Variants in RNF38 observed in about 807,000 individuals in gnomAD.
RNF38 encodes ring finger protein 38.
Under a neutral mutation model 67.2 loss-of-function variants are expected in RNF38, and 15 were observed. That is an observed-to-expected ratio of 0.22 (90% CI 0.15 to 0.34). RNF38 has a LOEUF of 0.34. Among genes scored for constraint, RNF38 ranks in the 10% least tolerant of loss-of-function variants. The pLI, the probability that RNF38 is intolerant of heterozygous loss-of-function variation, is 1.00. For synonymous variants in RNF38, 220 were observed against 218.8 expected (o/e 1.01, Z -0.05); for missense variants, 524 against 639.9 (o/e 0.82, Z 1.95).
chr9:36,471,296 T>C (rs1839992836), intron 1 of RNF38, among the ~76,000 whole-genome samples: 1 of 152,230 alleles, frequency 6.6e-6, no homozygotes, highest in Non-Finnish European at 1.5e-5. Flanking sequence ...ATAACTTTTC[T>C]TCCATAGAAA....
At chr9:36,352,402 A>G (rs918498661) in intron 8 of RNF38, among the ~76,000 whole-genome samples, 1 of 152,086 alleles carries the variant, frequency 6.6e-6, no homozygotes, top group Non-Finnish European at 1.5e-5. Flanking sequence ...AAATAAATAA[A>G]TTTTTCTCCT....
chr9:36,387,374 C>G (rs1287242952), intron 2 of RNF38, among the ~76,000 whole-genome samples: 1 of 152,082 alleles, frequency 6.6e-6, no homozygotes, highest in Non-Finnish European at 1.5e-5. Context: ...ACCACAAACA[C>G]CCCTAAAATT....
At chr9:36,446,810 G>GAAAAAAAAA (rs60691553) in intron 1 of RNF38, among the ~76,000 whole-genome samples, 1 of 28,214 alleles carries the variant, frequency 3.5e-5, no homozygotes, top group African/African-American at 1.3e-4. Flanking sequence ...TCCGCCTCAA[G>GAAAAAAAAA]AAAAAAAAAA....
Position 36,454,578 on chromosome 9 carries a change from T to G in RNF38, n.242-29895A>C, listed in dbSNP as rs533447930. Among the ~76,000 whole-genome samples the G allele has an allele frequency of 4.6e-5, 6 of 131,660 alleles. No individual in the cohort carries two copies. The East Asian group carries it at 1.3e-3, about 29-fold the overall frequency. 86.4% of individuals were successfully genotyped at this position (131,660 alleles called of 152,430 possible). ...TAAAAATATCAATTATACATTAATT[T>G]ACTTTTTTTTTTTTTTTTTTTTGAG... On this transcript the variant is annotated intron_variant and non_coding_transcript_variant, in intron 1 of 3. Transcript: ENST00000488058.
intron 1 of RNF38, among the ~76,000 whole-genome samples, chr9:36,465,342 C>CT (rs553695942): frequency 6.6e-6 from 1 of 151,998 alleles, no homozygotes; most frequent in African/African-American, 2.4e-5. Context: ...TAGCAGCATT[C>CT]TTTTTTTCTT....
Position 36,342,317 on chromosome 9 carries a change from C to CA in RNF38, c.1485+7dup, listed in dbSNP as rs1262094534. On this transcript the variant is annotated splice_region_variant and intron_variant, in intron 11 of 11. Coordinates refer to ENST00000259605, the MANE Select transcript of RNF38 (RefSeq NM_022781.5). ...ATGTCATTTCCTTTAAAGATGTCATCACTTTACCTTAAGCCATTTGTCAAC... is the reference window on the plus strand; with the variant it reads ...ATGTCATTTCCTTTAAAGATGTCATCAACTTTACCTTAAGCCATTTGTCAAC... 6.3e-7 allele frequency: 1 copy of CA among 1,577,096 alleles called. No homozygotes were observed. The highest frequency in any genetic ancestry group is 1.1e-5 in the South Asian group (1 of 90,332).
intron 1 of RNF38, among the ~76,000 whole-genome samples, chr9:36,441,726 A>AAC (rs1554696686): frequency 1.3e-5 from 2 of 151,684 alleles, no homozygotes; most frequent in Non-Finnish European, 2.9e-5. Flanking sequence ...CCTCAATTAA[A>AAC]AACAACAACT....
intron 1 of RNF38, among the ~76,000 whole-genome samples, chr9:36,432,203 C>T (rs558431747): frequency 3.3e-5 from 5 of 151,930 alleles, no homozygotes; most frequent in African/African-American, 9.6e-5. Context: ...GGCACGATCT[C>T]GTCTTACTGC....
intron 6 of RNF38, 38 bp downstream of exon 6, chr9:36,356,265 A>C (rs769363391): frequency 9.7e-5 from 156 of 1,601,410 alleles, no homozygotes; most frequent in Non-Finnish European, 1.2e-4. Context: ...AAATTAGTTA[A>C]AAACTAAACA....
At chr9:36,372,846 T>C (rs557807455) in intron 3 of RNF38, among the ~76,000 whole-genome samples, 1 of 152,270 alleles carries the variant, frequency 6.6e-6, no homozygotes, top group Admixed American at 6.5e-5. Context: ...TAGACTTACA[T>C]CCTAATGAAA....
At chr9:36,451,094 C>T (rs1450460007) in intron 1 of RNF38, among the ~76,000 whole-genome samples, 1 of 152,186 alleles carries the variant, frequency 6.6e-6, no homozygotes, top group Non-Finnish European at 1.5e-5. Flanking sequence ...TGTTAATACG[C>T]ACCTTGGGAA....
chr9:36,359,874 G>C (rs921645101), intron 4 of RNF38, among the ~76,000 whole-genome samples: 1 of 151,240 alleles, frequency 6.6e-6, no homozygotes, highest in African/African-American at 2.4e-5. Context: ...GCCCCGCCCC[G>C]AGTAGCTGGG....
At chr9:36,358,055 C>CA (rs3832617) in intron 4 of RNF38, 113 bp from the exon 5 acceptor site, 10,790 of 767,414 alleles carry the variant, frequency 0.014, 530 homozygotes, top group Admixed American at 0.11. Context: ...CGGATTTTCA[C>CA]AATGTACTCT....
chr9:36,418,008 C>CTTCA lies in RNF38; in HGVS notation n.312+6604_312+6605insTGAA, dbSNP rs1838518815. Reference sequence around the variant, plus strand: ...CAATTGTTATTTCTCAGGAGAGAAACTGAATAGAGTGCTGTGTTTGTTTTT... The same window carrying CTTCA: ...CAATTGTTATTTCTCAGGAGAGAAACTTCATGAATAGAGTGCTGTGTTTGTTTTT... On this transcript the variant is annotated intron_variant and non_coding_transcript_variant, in intron 2 of 3. Coordinates refer to the RNF38 transcript ENST00000488058. 1.3e-5 allele frequency among the ~76,000 whole-genome samples: 2 copies of CTTCA among 151,136 alleles called. 1 individual carries two copies. Among genetic ancestry groups the CTTCA allele is most frequent in the South Asian group, 4.2e-4 (2 of 4,796 alleles).
chr9:36,478,762 A>G lies in RNF38; in HGVS notation n.241+8546T>C, dbSNP rs1317271895. On this transcript the variant is annotated intron_variant and non_coding_transcript_variant, in intron 1 of 3. Transcript: ENST00000488058. ...AACCCAGAAGGCGGAGGTTGCGGTG[A>G]GCCGAGATGGCGCCACTGCACTCCA... is the stretch of plus-strand genomic sequence containing the variant. Among the ~76,000 whole-genome samples, 4 of 149,550 alleles carry G rather than the reference A, an allele frequency of 2.7e-5. No individual in the cohort carries two copies. In the South Asian group the frequency reaches 6.3e-4, roughly 24 times the overall value.
At chr9:36,377,878 A>AG (rs1377694561) in intron 2 of RNF38, among the ~76,000 whole-genome samples, 1 of 151,796 alleles carries the variant, frequency 6.6e-6, no homozygotes, top group Non-Finnish European at 1.5e-5. Flanking sequence ...CTTTTATTTC[A>AG]TTTTTTCTGA....
chr9:36,472,408 T>C (rs1840017581), intron 1 of RNF38, among the ~76,000 whole-genome samples: 1 of 152,206 alleles, frequency 6.6e-6, no homozygotes, highest in Admixed American at 6.5e-5. Context: ...TGGCTTTCAA[T>C]GCAGCCCAAC....
chr9:36,391,770 C>T (rs1053218343), intron 1 of RNF38, among the ~76,000 whole-genome samples: 5 of 151,968 alleles, frequency 3.3e-5, no homozygotes, highest in African/African-American at 4.8e-5. Flanking sequence ...CCCGCCACCC[C>T]GCCTGGCTAA....
intron 1 of RNF38, among the ~76,000 whole-genome samples, chr9:36,427,071 T>C (rs1457012088): frequency 6.6e-6 from 1 of 152,186 alleles, no homozygotes; most frequent in Non-Finnish European, 1.5e-5. Flanking sequence ...AGCTGTTTCA[T>C]TGCCCTCATT....
Sources: gnomAD v4.1 joint callset for allele counts (sites outside exome capture counted in the v4.1 genomes callset) on GRCh38, gnomAD v4.1.1 for gene constraint, MANE v1.5 for transcripts, NCBI Gene and HGNC (gene_info 2026-07-23, HGNC 2026-07-21) for gene names.